Variants in TCTN1 observed in about 807,000 individuals in gnomAD.
The protein encoded by TCTN1 is tectonic family member 1, also known as tectonic-1.
In TCTN1, 58 loss-of-function variants were observed where a neutral mutation model predicts 65.8. The observed-to-expected ratio is 0.88, with a 90% CI of 0.71 to 1.10. The LOEUF (loss-of-function observed/expected upper bound fraction) is 1.10. Ranked by LOEUF, TCTN1 falls within the 50% of genes least tolerant of loss-of-function variation. The pLI, the probability that TCTN1 is intolerant of heterozygous loss-of-function variation, is 0.00. For synonymous variants in TCTN1, 273 were observed against 289.1 expected (o/e 0.94, Z 0.57); for missense variants, 645 against 719.4 (o/e 0.90, Z 1.18).
chr12:110,614,494 A>C (rs1210201842), intron 1 of TCTN1, 92 bp downstream of exon 1: 2 of 1,543,542 alleles, frequency 1.3e-6, no homozygotes, highest in South Asian at 2.4e-5. Context: ...GCTAACTCTT[A>C]TTGAGCACTT....
chr12:110,618,328 C>T (rs1204868648), intron 1 of TCTN1, among the ~76,000 whole-genome samples: 3 of 152,058 alleles, frequency 2.0e-5, no homozygotes, highest in African/African-American at 7.2e-5. Flanking sequence ...GCAAACCCCG[C>T]CTCCTGGGTT....
At chr12:110,638,275 A>G (rs557522416) in intron 7 of TCTN1, among the ~76,000 whole-genome samples, 5 of 152,314 alleles carry the variant, frequency 3.3e-5, no homozygotes, top group Admixed American at 1.3e-4. Context: ...AGGACGTGGC[A>G]GACTGGGACT....
chr12:110,634,514 T>TA lies in TCTN1; in HGVS notation c.713-149dup, dbSNP rs1378630566. On this transcript the variant is annotated intron_variant, in intron 5 of 14. Coordinates refer to ENST00000397659, the MANE Select transcript of TCTN1 (RefSeq NM_001082538.3). The stretch of plus-strand genomic sequence containing the variant: ...CAACACGGTGAAACCTTGTCTCTAC[T>TA]AAAAAAACAAAACAAACAACAACAA... 1.3e-5 allele frequency: 9 copies of TA among 676,044 alleles called. No homozygotes were observed. The East Asian group carries it at 2.1e-4, about 16-fold the overall frequency. The allele number at this position is 676,044 out of a possible 1,614,324, so 41.9% of individuals were successfully genotyped here.
At chr12:110,648,594 A>ATAT (rs2067566798) in intron 14 of TCTN1, 1 of 159,120 alleles carries the variant, frequency 6.3e-6, no homozygotes, top group Admixed American at 6.5e-5. Context: ...AAATAGCAAA[A>ATAT]TATTAGATAA....
At chr12:110,624,065 ATCTG>A (rs1037046492) in intron 2 of TCTN1, among the ~76,000 whole-genome samples, 14 of 151,416 alleles carry the variant, frequency 9.2e-5, no homozygotes, top group Non-Finnish European at 1.8e-4. Context: ...CTATACTATT[ATCTG>A]TCTGTCCAGC....
intron 6 of TCTN1, chr12:110,635,710 T>C (rs1281884206): frequency 6.6e-6 from 1 of 152,246 alleles, no homozygotes; most frequent in Admixed American, 6.5e-5. Context: ...CCCTTCCCAA[T>C]TTCCTTTTTA....
intron 1 of TCTN1, chr12:110,616,675 C>T (rs1236501978): frequency 6.5e-6 from 1 of 152,816 alleles, no homozygotes; most frequent in Non-Finnish European, 1.5e-5. Flanking sequence ...TCATTTAATC[C>T]TTACAACAAC....
At chr12:110,618,530 C>T (rs776892612) in intron 1 of TCTN1, among the ~76,000 whole-genome samples, 23 of 152,042 alleles carry the variant, frequency 1.5e-4, no homozygotes, top group Admixed American at 7.9e-4. Flanking sequence ...TGAACCACCG[C>T]GCCCAGCCTA....
intron 12 of TCTN1, 134 bp downstream of exon 12, chr12:110,645,263 C>T (rs1220645843): frequency 1.2e-5 from 14 of 1,193,022 alleles, no homozygotes; most frequent in Non-Finnish European, 1.5e-5. Flanking sequence ...ATCTTGGATA[C>T]TGATTTTTGC....
At chr12:110,632,688 C>A in intron 5 of TCTN1, 129 bp downstream of exon 5, 1 of 909,776 alleles carries the variant, frequency 1.1e-6, no homozygotes, top group Non-Finnish European at 1.8e-6. Flanking sequence ...CAACTTAATA[C>A]TTTACATTTG....
intron 1 of TCTN1, among the ~76,000 whole-genome samples, chr12:110,614,715 A>G (rs1565946371): frequency 6.6e-6 from 1 of 152,234 alleles, no homozygotes; most frequent in Non-Finnish European, 1.5e-5. Context: ...CCAAGACGAA[A>G]TTAAGTCGAG....
At chr12:110,631,742 A>G (rs1447452117) in intron 4 of TCTN1, among the ~76,000 whole-genome samples, 1 of 152,246 alleles carries the variant, frequency 6.6e-6, no homozygotes, top group Non-Finnish European at 1.5e-5. Flanking sequence ...CACAATGAAC[A>G]TTCTCATATA....
intron 3 of TCTN1, among the ~76,000 whole-genome samples, chr12:110,628,414 C>T (rs2065995892): frequency 1.3e-5 from 2 of 150,964 alleles, no homozygotes; most frequent in Admixed American, 1.3e-4. Flanking sequence ...TATCTCAGCT[C>T]ACTGCAACCT....
In TCTN1 at chr12:110,640,375, C is replaced by T; in HGVS notation, c.844-8C>T. ...GCATCTTCAACACTCCAGGTCTTCA[C>T]TCTGCAGGTCCCTATCACTGTTCAG... is the stretch of plus-strand genomic sequence containing the variant. On this transcript the variant is annotated splice_region_variant and splice_polypyrimidine_tract_variant and intron_variant, in intron 7 of 14. Coordinates refer to ENST00000397659, the MANE Select transcript of TCTN1 (RefSeq NM_001082538.3). The surrounding 1 kb of genome is among the most constrained non-coding windows in gnomAD (Gnocchi z 4.9). The T allele has an allele frequency of 6.2e-7, 1 of 1,614,184 alleles. No individual in the cohort carries two copies. The highest frequency in any genetic ancestry group is 8.5e-7 in the Non-Finnish European group (1 of 1,180,042).
intron 12 of TCTN1, 185 bp from the exon 13 acceptor site, chr12:110,647,011 A>AT: frequency 3.0e-6 from 2 of 676,022 alleles, no homozygotes; most frequent in South Asian, 1.9e-5. Flanking sequence ...TGTTAAAAAT[A>AT]TTTTTGGGGC....
chr12:110,642,107 C>T, intron 10 of TCTN1, 142 bp from the exon 11 acceptor site: 4 of 1,068,796 alleles, frequency 3.7e-6, no homozygotes, highest in Middle Eastern at 2.9e-4. Context: ...TTTGCCTGCT[C>T]CTGGGAAATA....
At chr12:110,617,858 C>T (rs545419138) in intron 1 of TCTN1, among the ~76,000 whole-genome samples, 36 of 152,050 alleles carry the variant, frequency 2.4e-4, no homozygotes, top group African/African-American at 8.4e-4. Context: ...CCAGGCTGGT[C>T]TGGACCTCCT....
At chr12:110,618,892 C>T (rs1238612047) in intron 1 of TCTN1, among the ~76,000 whole-genome samples, 1 of 151,678 alleles carries the variant, frequency 6.6e-6, no homozygotes, top group Non-Finnish European at 1.5e-5. Context: ...AAAAGTTGAC[C>T]AGGAGTGGTG....
intron 2 of TCTN1, among the ~76,000 whole-genome samples, chr12:110,621,188 A>G (rs934211167): frequency 7.9e-5 from 12 of 152,190 alleles, no homozygotes; most frequent in Non-Finnish European, 1.3e-4. Flanking sequence ...GAGATAGCTA[A>G]TTTAAATTTA....
Sources: allele counts gnomAD v4.1 joint callset (sites outside exome capture counted in the v4.1 genomes callset), GRCh38; gene constraint gnomAD v4.1.1; non-coding constraint Gnocchi (gnomAD v3.1); transcripts MANE v1.5; gene names NCBI Gene and HGNC (gene_info 2026-07-23, HGNC 2026-07-21).